MAEA: variants seen among roughly 807,000 people sequenced by gnomAD.
MAEA encodes the protein E3 ubiquitin-protein transferase MAEA.
MAEA carries 22 observed loss-of-function variants against 46.2 expected under a neutral mutation model. The observed-to-expected ratio is 0.48, with a 90% confidence interval of 0.34 to 0.68. The LOEUF is 0.68. Among genes scored for constraint, MAEA ranks in the 30% least tolerant of loss-of-function variants. MAEA has a pLI of 0.01. For synonymous variants in MAEA, 246 were observed against 222.6 expected, an observed-to-expected ratio of 1.11 and a Z score of -0.94; for missense variants, 393 against 558.1, an observed-to-expected ratio of 0.70 and a Z score of 2.98.
chr4:1,330,529 C>CTAA (rs1430452793), intron 5 of MAEA: 1 of 150,590 alleles, frequency 6.6e-6, no homozygotes, highest in African/African-American at 2.5e-5. Flanking sequence ...GTTGGCCAGG[C>CTAA]TGGTCTCAAA....
intron 3 of MAEA, 73 bp downstream of exon 3, chr4:1,315,673 T>TC (rs1737036778): frequency 7.0e-7 from 1 of 1,430,234 alleles, no homozygotes; most frequent in African/African-American, 1.4e-5. Context: ...CTGTGGCATG[T>TC]CCCCCGGCAT....
intron 1 of MAEA, among the ~76,000 whole-genome samples, chr4:1,298,843 A>G: frequency 6.6e-6 from 1 of 151,938 alleles, no homozygotes; most frequent in Non-Finnish European, 1.5e-5. Flanking sequence ...AAACATACCC[A>G]CTTGGCAAGG....
At chr4:1,313,863 C>G (rs1296561596) in intron 2 of MAEA, among the ~76,000 whole-genome samples, 1 of 151,908 alleles carries the variant, frequency 6.6e-6, no homozygotes, top group Non-Finnish European at 1.5e-5. Context: ...GGCAACATGG[C>G]AAAACCCCAT....
intron 3 of MAEA, among the ~76,000 whole-genome samples, chr4:1,317,083 C>T (rs1394385034): frequency 8.2e-6 from 1 of 121,326 alleles, no homozygotes; most frequent in African/African-American, 2.9e-5. Flanking sequence ...CCACCCCGGC[C>T]CCCACACTCC....
rs186955844 is a variant in MAEA, at chr4:1,313,005, C to T, written c.252+844C>T. Among the ~76,000 whole-genome samples the T allele has an allele frequency of 5.9e-5, 9 of 152,330 alleles. No homozygotes were observed. In the East Asian group the frequency reaches 7.7e-4, roughly 13 times the overall value. ...GGCCAGGCCAGATGGAGGTGAGGAC[C>T]GATGACCCAAGCCTTGGAAAGTGGG... On this transcript the variant is annotated intron_variant, in intron 2 of 8. Coordinates refer to ENST00000303400, the MANE Select transcript of MAEA (RefSeq NM_001017405.3).
chr4:1,293,243 T>C (rs1734294629), intron 1 of MAEA, among the ~76,000 whole-genome samples: 1 of 151,898 alleles, frequency 6.6e-6, no homozygotes, highest in African/African-American at 2.4e-5. Flanking sequence ...AGTAATTTGA[T>C]GAGTTGGGTG....
In MAEA at chr4:1,311,375, G is replaced by A. The variant is rs1406122389; in HGVS notation, c.70-604G>A. ...CTCAGAGGGACAGAAAACTAACAAC[G>A]ACTTTAAGATTCTCCTTGATTGGCT... On this transcript the variant is annotated intron_variant, in intron 1 of 8. Transcript: ENST00000303400. The surrounding 1 kb of genome is among the most constrained non-coding windows in gnomAD (Gnocchi z 4.4). Among the ~76,000 whole-genome samples the A allele has an allele frequency of 6.6e-6, 1 of 152,244 alleles. No individual in the cohort carries two copies. The highest frequency in any genetic ancestry group is 1.5e-5 in the Non-Finnish European group (1 of 68,044).
At chr4:1,317,007 C>A (rs12644418) in intron 3 of MAEA, among the ~76,000 whole-genome samples, 1 of 43,038 alleles carries the variant, frequency 2.3e-5, no homozygotes, top group African/African-American at 8.5e-5. Flanking sequence ...AGGCCCACCC[C>A]GGCCCCCACA....
intron 1 of MAEA, among the ~76,000 whole-genome samples, chr4:1,297,186 G>A (rs559795321): frequency 3.6e-4 from 55 of 152,246 alleles, no homozygotes; most frequent in Non-Finnish European, 7.3e-4. Flanking sequence ...AGTTGACAGC[G>A]ATGTCCCCCG....
chr4:1,311,883 A>G lies in MAEA; in HGVS notation c.70-96A>G, dbSNP rs1736546217. The G allele has an allele frequency of 1.8e-6, 2 of 1,091,508 alleles. No individual in the cohort carries two copies. Among genetic ancestry groups the G allele is most frequent in the Non-Finnish European group, 2.7e-6 (2 of 748,532 alleles). 67.6% of individuals were successfully genotyped at this position (1,091,508 alleles called of 1,614,324 possible). ...TGAACCTTCTGAGACTTCTGCCTCT[A>G]CAAGTGCCATGAGGAGACCTGGTGT... On this transcript the variant is annotated intron_variant, in intron 1 of 8. Coordinates refer to ENST00000303400, the MANE Select transcript of MAEA (RefSeq NM_001017405.3). The surrounding 1 kb of genome is among the most constrained non-coding windows in gnomAD (Gnocchi z 4.4).
Position 1,306,602 on chromosome 4 carries a change from C to T in MAEA, c.70-5377C>T, listed in dbSNP as rs539850418. 5.3e-5 allele frequency among the ~76,000 whole-genome samples: 8 copies of T among 152,252 alleles called. 1 individual carries two copies. The South Asian group carries it at 1.7e-3, about 32-fold the overall frequency. On this transcript the variant is annotated intron_variant, in intron 1 of 8. Coordinates refer to ENST00000303400, the MANE Select transcript of MAEA (RefSeq NM_001017405.3). ...GTTGGCTGTATTCCAGATGGAAGCC[C>T]TTTGTCAGCTGTGCTGTGAAGGCCT...
At chr4:1,308,796 T>C (rs945627453) in intron 1 of MAEA, among the ~76,000 whole-genome samples, 5 of 152,260 alleles carry the variant, frequency 3.3e-5, no homozygotes, top group Admixed American at 6.5e-5. Flanking sequence ...TTTTTAAAAG[T>C]GCATTCTGGA....
chr4:1,336,425 A>G (rs1355639580), intron 6 of MAEA, among the ~76,000 whole-genome samples: 1 of 151,744 alleles, frequency 6.6e-6, no homozygotes, highest in Non-Finnish European at 1.5e-5. Context: ...ATCGGAGTTA[A>G]GTCAGCACTC....
chr4:1,330,189 C>T (rs1711514484), intron 5 of MAEA: 1 of 976,578 alleles, frequency 1.0e-6, no homozygotes, highest in South Asian at 4.7e-5. Context: ...ATCCCTGACC[C>T]CAGGCGGCTG....
At chr4:1,292,689 C>G (rs73069974) in intron 1 of MAEA, among the ~76,000 whole-genome samples, 19 of 151,988 alleles carry the variant, frequency 1.3e-4, no homozygotes, top group Non-Finnish European at 2.4e-4. Flanking sequence ...GCACACACCC[C>G]TGAGAATTGC....
At position 1,339,847 on chromosome 4, in the gene MAEA, CCTTA is replaced by C. The variant is rs1183856677; in HGVS notation, c.*682_*685del. On this transcript the variant is annotated 3_prime_UTR_variant, in exon 9 of 9. Transcript: ENST00000303400. ...TCGATATCACACCCTCTGTGTGCCG[CCTTA>C]CTTCCTGCTTCGAGAATGTATAACG... 1.3e-5 allele frequency: 2 copies of C among 152,802 alleles called. No individual in the cohort carries two copies. The highest frequency in any genetic ancestry group is 2.9e-5 in the Non-Finnish European group (2 of 68,144). 9.5% of individuals were successfully genotyped at this position (152,802 alleles called of 1,614,324 possible).
intron 1 of MAEA, chr4:1,309,791 A>G (rs1736250563): frequency 3.5e-6 from 5 of 1,421,140 alleles, no homozygotes; most frequent in Non-Finnish European, 4.6e-6. Context: ...TTTCCCTTGC[A>G]CTGGGAGCAA....
chr4:1,303,232 C>CAAAAAA (rs71168823), intron 1 of MAEA, among the ~76,000 whole-genome samples: 11 of 65,668 alleles, frequency 1.7e-4, no homozygotes, highest in Non-Finnish European at 2.7e-4. Flanking sequence ...ACTAAAAATA[C>CAAAAAA]AAAAAAAAAA....
chr4:1,329,738 G>C, intron 5 of MAEA: 1 of 985,794 alleles, frequency 1.0e-6, no homozygotes, highest in African/African-American at 1.7e-5. Context: ...CGTTTGTGGG[G>C]TGAGGGAGTG....
Sources: gnomAD v4.1 joint callset for allele counts (sites outside exome capture counted in the v4.1 genomes callset) on GRCh38, gnomAD v4.1.1 for gene constraint, Gnocchi (gnomAD v3.1) non-coding constraint, MANE v1.5 for transcripts, NCBI Gene and HGNC (gene_info 2026-07-23, HGNC 2026-07-21) for gene names.